Variants in RBM46 observed in about 807,000 individuals in gnomAD.
RBM46 encodes the protein RNA binding motif protein 46.
Under a neutral mutation model 43.3 loss-of-function variants are expected in RBM46, and 12 were observed. That is an observed-to-expected ratio of 0.28 (90% CI 0.18 to 0.45). The LOEUF (loss-of-function observed/expected upper bound fraction) is 0.45, where lower values mean the gene tolerates loss of function less well. Among genes scored for constraint, RBM46 ranks in the 20% least tolerant of loss-of-function variants. The pLI is 1.00. For synonymous variants in RBM46, 205 were observed against 207.6 expected (o/e 0.99, Z 0.11); for missense variants, 412 against 639.1 (o/e 0.64, Z 3.83).
At chr4:154,805,637 T>C (rs1023058398) in intron 4 of RBM46, among the ~76,000 whole-genome samples, 2 of 151,984 alleles carry the variant, frequency 1.3e-5, no homozygotes, top group African/African-American at 4.8e-5. Context: ...ATCTGAAAAA[T>C]ATTTGGTGCT....
chr4:154,805,202 T>C (rs747019670), intron 4 of RBM46, among the ~76,000 whole-genome samples: 3 of 152,172 alleles, frequency 2.0e-5, no homozygotes, highest in Non-Finnish European at 4.4e-5. Context: ...ATTAGTTAAT[T>C]AAAATTTCAT....
In RBM46 at chr4:154,803,000, TAAAAG is replaced by T. The variant is rs148502602; in HGVS notation, c.1402+3441_1402+3445del. On this transcript the variant is annotated intron_variant, in intron 4 of 4. Transcript: ENST00000281722. The stretch of plus-strand genomic sequence containing the variant: ...ACTTCTATTTCCCAAGTTTGAAAAA[TAAAAG>T]AAAAAAAATTAGGCTTTGCTTAAAT... 3.4e-3 allele frequency among the ~76,000 whole-genome samples: 522 copies of T among 151,986 alleles called. 3 individuals carry two copies. The highest frequency in any genetic ancestry group is 0.012 in the African/African-American group (497 of 41,486).
At chr4:154,821,725 G>T (rs1416050601) in intron 4 of RBM46, among the ~76,000 whole-genome samples, 1 of 151,698 alleles carries the variant, frequency 6.6e-6, no homozygotes, top group Non-Finnish European at 1.5e-5. Flanking sequence ...TAATATATTT[G>T]AAGATTTTGT....
At chr4:154,812,831 G>T (rs1371535478) in intron 4 of RBM46, among the ~76,000 whole-genome samples, 1 of 152,104 alleles carries the variant, frequency 6.6e-6, no homozygotes, top group Non-Finnish European at 1.5e-5. Context: ...TCATTGGTAG[G>T]TCTAGGCCTT....
Position 154,799,310 on chromosome 4 carries a change from T to C in RBM46, c.1148T>C (p.Met383Thr). 6.2e-7 allele frequency: 1 copy of C among 1,614,228 alleles called. No homozygotes were observed. The highest frequency in any genetic ancestry group is 1.1e-5 in the South Asian group (1 of 91,082). ...GGAACAAAGCTTACTCCAATTAGTA[T>C]GTATTCTTTAAAATCCAATCATTTT... ...YPGTKLTPIS[M>T]YSLKSNHFNS... Residue 383 changes from methionine (M) to threonine (T), a missense_variant, in exon 4 of 5, where the codon ATG becomes ACG. Transcript: ENST00000281722.
chr4:154,802,788 T>C (rs1002039482), intron 4 of RBM46, among the ~76,000 whole-genome samples: 1 of 152,328 alleles, frequency 6.6e-6, no homozygotes, highest in East Asian at 1.9e-4. Context: ...TAGTAATTTT[T>C]TTTTAAGAAT....
chr4:154,803,513 G>A (rs1420775296), intron 4 of RBM46, among the ~76,000 whole-genome samples: 3 of 151,360 alleles, frequency 2.0e-5, no homozygotes, highest in Admixed American at 6.6e-5. Flanking sequence ...CCATCCTGGC[G>A]AACACGGTGA....
intron 1 of RBM46, among the ~76,000 whole-genome samples, chr4:154,786,494 C>T (rs1305096093): frequency 6.6e-6 from 1 of 152,270 alleles, no homozygotes; most frequent in Non-Finnish European, 1.5e-5. Flanking sequence ...TCACATAAAT[C>T]TGTCCATGAG....
intron 4 of RBM46, chr4:154,820,309 T>C: frequency 8.6e-7 from 1 of 1,162,426 alleles, no homozygotes. Context: ...ACTTCCAAGA[T>C]AGGGATAACA....
chr4:154,816,246 T>A (rs1055070173), intron 4 of RBM46, among the ~76,000 whole-genome samples: 2 of 152,118 alleles, frequency 1.3e-5, no homozygotes, highest in African/African-American at 4.8e-5. Context: ...AATTTTAGAA[T>A]CAGTTTGTAA....
At chr4:154,823,421 CAG>C (rs1322743560) in intron 4 of RBM46, among the ~76,000 whole-genome samples, 2 of 151,600 alleles carry the variant, frequency 1.3e-5, no homozygotes, top group African/African-American at 2.4e-5. Context: ...ACATAGCTAA[CAG>C]AGAAGAAAGA....
chr4:154,821,600 G>T (rs577485976), intron 4 of RBM46, among the ~76,000 whole-genome samples: 1 of 151,818 alleles, frequency 6.6e-6, no homozygotes, highest in East Asian at 1.9e-4. Context: ...AAAGCAACTA[G>T]ACTTATTTTC....
At chr4:154,827,074 C>T in intron 4 of RBM46, 1 of 1,141,972 alleles carries the variant, frequency 8.8e-7, no homozygotes, top group Non-Finnish European at 1.1e-6. Context: ...AAAATTTGGT[C>T]TGTAATATAC....
intron 4 of RBM46, among the ~76,000 whole-genome samples, chr4:154,817,819 T>A (rs1175564344): frequency 6.6e-6 from 1 of 151,370 alleles, no homozygotes; most frequent in African/African-American, 2.5e-5. Context: ...CTTGTTTTAT[T>A]TTTTCATTTC....
chr4:154,797,171 A>T (rs1018124123), intron 2 of RBM46, among the ~76,000 whole-genome samples: 3 of 152,186 alleles, frequency 2.0e-5, no homozygotes, highest in Non-Finnish European at 4.4e-5. Flanking sequence ...AGTAGGAAAA[A>T]GGGTGCTACT....
chr4:154,799,577 A>G lies in RBM46; in HGVS notation c.1402+13A>G. ...TTACTTCATTTGGGTAAGTTTAAAAATACTTTAAATGATGTATAATATGAA... is the reference window on the plus strand; with the variant it reads ...TTACTTCATTTGGGTAAGTTTAAAAGTACTTTAAATGATGTATAATATGAA... On this transcript the variant is annotated intron_variant, in intron 4 of 4. Coordinates refer to ENST00000281722, the MANE Select transcript of RBM46 (RefSeq NM_144979.5). The G allele has an allele frequency of 6.8e-7, 1 of 1,480,784 alleles. No homozygotes were observed. Among genetic ancestry groups the G allele is most frequent in the Non-Finnish European group, 9.0e-7 (1 of 1,110,738 alleles). The allele number at this position is 1,480,784 out of a possible 1,614,324, so 91.7% of individuals were successfully genotyped here.
chr4:154,815,151 G>A (rs2111191623), intron 4 of RBM46, among the ~76,000 whole-genome samples: 1 of 152,048 alleles, frequency 6.6e-6, no homozygotes, highest in South Asian at 2.1e-4. Flanking sequence ...ACTATTTCAG[G>A]TAGCAGTACT....
intron 4 of RBM46, among the ~76,000 whole-genome samples, chr4:154,811,384 G>A (rs989185125): frequency 1.3e-5 from 2 of 152,134 alleles, no homozygotes; most frequent in African/African-American, 4.8e-5. Context: ...TGTAAAATAG[G>A]AATGATGATA....
chr4:154,803,334 CTATCTT>C (rs1440951257), intron 4 of RBM46, among the ~76,000 whole-genome samples: 6 of 152,038 alleles, frequency 3.9e-5, no homozygotes, highest in Non-Finnish European at 8.8e-5. Flanking sequence ...AAATTAGAGA[CTATCTT>C]CATCTTCATA....
Sources: allele counts gnomAD v4.1 joint callset (sites outside exome capture counted in the v4.1 genomes callset), GRCh38; gene constraint gnomAD v4.1.1; transcripts MANE v1.5; gene names NCBI Gene and HGNC (gene_info 2026-07-23, HGNC 2026-07-21).